RBFOX1: variants seen among roughly 807,000 people sequenced by gnomAD.
The protein encoded by RBFOX1 is RNA binding fox-1 homolog 1, also known as RNA binding protein fox-1 homolog 1.
RBFOX1 carries 8 observed loss-of-function variants against 57.7 expected under a neutral mutation model. That is an observed-to-expected ratio of 0.14 (90% CI 0.08 to 0.25). The LOEUF is 0.25. Among genes scored for constraint, RBFOX1 ranks in the 10% least tolerant of loss-of-function variants. The probability of loss-of-function intolerance (pLI) is 1.00; values close to 1 mark genes in which losing one functional copy is unlikely to be tolerated. For missense variants in RBFOX1, 611 were observed against 548.5 expected, an observed-to-expected ratio of 1.11 and a Z score of -1.14; for synonymous variants, 326 against 222.4, an observed-to-expected ratio of 1.47 and a Z score of -4.15.
intron 1 of RBFOX1, among the ~76,000 whole-genome samples, chr16:6,155,102 G>A (rs1168814472): frequency 6.6e-6 from 1 of 152,176 alleles, no homozygotes; most frequent in Admixed American, 6.5e-5. Flanking sequence ...CTTTTGTTTA[G>A]TGTTTCTATA....
intron 2 of RBFOX1, among the ~76,000 whole-genome samples, chr16:6,512,474 G>T (rs1470942712): frequency 6.6e-6 from 1 of 152,094 alleles, no homozygotes; most frequent in Non-Finnish European, 1.5e-5. Flanking sequence ...TGAGGGGTAA[G>T]CATGGGACAA....
chr16:7,111,873 G>C (rs1174356685), intron 4 of RBFOX1, among the ~76,000 whole-genome samples: 1 of 151,942 alleles, frequency 6.6e-6, no homozygotes, highest in African/African-American at 2.4e-5. Flanking sequence ...TTGATCAGTT[G>C]AATTGAAAAG....
At chr16:5,676,337 T>C (rs1449532678) in intron 3 of RBFOX1, among the ~76,000 whole-genome samples, 1 of 152,198 alleles carries the variant, frequency 6.6e-6, no homozygotes. Context: ...CTATCACTTA[T>C]TAAGGTAACT....
intron 4 of RBFOX1, among the ~76,000 whole-genome samples, chr16:7,319,646 T>G (rs929428723): frequency 6.6e-6 from 1 of 152,198 alleles, no homozygotes; most frequent in Non-Finnish European, 1.5e-5. Flanking sequence ...AGATTTAGAA[T>G]GTGGGCACCT....
Position 7,167,667 on chromosome 16 carries a change from C to T in RBFOX1, c.27+115569C>T, listed in dbSNP as rs528688180. ...TTACTGCAGCCCTAGGAAACTAATT[C>T]ACTAGAGGGCTGCAAACTAAGGCCT... On this transcript the variant is annotated intron_variant, in intron 4 of 15. Coordinates refer to ENST00000550418, the MANE Select transcript of RBFOX1 (RefSeq NM_018723.4). Among the ~76,000 whole-genome samples, 4 of 152,354 alleles carry T rather than the reference C, an allele frequency of 2.6e-5. No individual in the cohort carries two copies. The East Asian group carries it at 7.7e-4, about 29-fold the overall frequency.
intron 3 of RBFOX1, among the ~76,000 whole-genome samples, chr16:6,894,166 TGTC>T (rs1214692585): frequency 2.6e-5 from 4 of 152,104 alleles, no homozygotes; most frequent in Non-Finnish European, 5.9e-5. Context: ...ACCTATCTCT[TGTC>T]TGTCTGTCTG....
intron 11 of RBFOX1, among the ~76,000 whole-genome samples, chr16:7,634,126 C>T (rs1423313749): frequency 6.6e-6 from 1 of 152,178 alleles, no homozygotes; most frequent in Non-Finnish European, 1.5e-5. Flanking sequence ...GACTTTTTCT[C>T]TAGGAATCCA....
At chr16:6,533,124 G>A (rs17822719) in intron 2 of RBFOX1, among the ~76,000 whole-genome samples, 42,211 of 152,126 alleles carry the variant, frequency 0.28, 6,791 homozygotes, top group Middle Eastern at 0.4. Flanking sequence ...GGCAGGCATT[G>A]AAAACTGTCA....
At chr16:7,421,294 C>G (rs918336890) in intron 4 of RBFOX1, among the ~76,000 whole-genome samples, 1 of 152,142 alleles carries the variant, frequency 6.6e-6, no homozygotes, top group East Asian at 1.9e-4. Flanking sequence ...TCCTTGGACA[C>G]TTTCTTGTTT....
intron 3 of RBFOX1, among the ~76,000 whole-genome samples, chr16:5,608,087 C>G (rs1194694210): frequency 1.3e-5 from 2 of 152,154 alleles, no homozygotes; most frequent in East Asian, 1.9e-4. Flanking sequence ...AGCTACTGTC[C>G]AAAAGTTGCC....
intron 2 of RBFOX1, among the ~76,000 whole-genome samples, chr16:6,330,523 T>C (rs79546071): frequency 2.7e-4 from 41 of 152,294 alleles, no homozygotes; most frequent in Non-Finnish European, 5.1e-4. Context: ...CTTCCTCATC[T>C]CTTCCTTACT....
intron 1 of RBFOX1, among the ~76,000 whole-genome samples, chr16:5,364,284 A>G (rs2065642297): frequency 1.3e-5 from 2 of 152,206 alleles, no homozygotes; most frequent in Admixed American, 1.3e-4. Flanking sequence ...ACAGTCCCCC[A>G]GGGGTGCACA....
At chr16:7,557,234 A>C (rs190737128) in intron 5 of RBFOX1, among the ~76,000 whole-genome samples, 3 of 152,260 alleles carry the variant, frequency 2.0e-5, no homozygotes, top group Admixed American at 2.0e-4. Context: ...TGAGGGCTTC[A>C]TCAGTACTTA....
chr16:6,763,592 C>A (rs934390832), intron 3 of RBFOX1, among the ~76,000 whole-genome samples: 1 of 152,172 alleles, frequency 6.6e-6, no homozygotes, highest in South Asian at 2.1e-4. Flanking sequence ...GACCATTAAT[C>A]ATCAACAACC....
chr16:5,880,612 T>A (rs1176698816), intron 4 of RBFOX1, among the ~76,000 whole-genome samples: 1 of 152,182 alleles, frequency 6.6e-6, no homozygotes, highest in African/African-American at 2.4e-5. Context: ...GTCACCTTGG[T>A]AGTCACTGAT....
intron 2 of RBFOX1, among the ~76,000 whole-genome samples, chr16:6,437,959 C>T (rs570707503): frequency 1.3e-5 from 2 of 152,226 alleles, no homozygotes; most frequent in East Asian, 3.9e-4. Flanking sequence ...GCCAATGAGG[C>T]TCTTCTGATG....
At chr16:7,187,513 C>G (rs996801631) in intron 4 of RBFOX1, among the ~76,000 whole-genome samples, 1 of 151,066 alleles carries the variant, frequency 6.6e-6, no homozygotes. Flanking sequence ...CACAGTGAAA[C>G]CCCATCTCTA....
chr16:6,143,434 C>T (rs1215655273), intron 1 of RBFOX1, among the ~76,000 whole-genome samples: 1 of 152,152 alleles, frequency 6.6e-6, no homozygotes, highest in African/African-American at 2.4e-5. Context: ...ACTGTGGTTT[C>T]CTTTCAGGAG....
intron 3 of RBFOX1, among the ~76,000 whole-genome samples, chr16:6,675,234 T>C (rs1486881124): frequency 6.6e-6 from 1 of 152,178 alleles, no homozygotes; most frequent in Non-Finnish European, 1.5e-5. Context: ...ACCCAGGTTG[T>C]GGTGATTTGT....
Sources: allele counts gnomAD v4.1 joint callset (sites outside exome capture counted in the v4.1 genomes callset), GRCh38; gene constraint gnomAD v4.1.1; transcripts MANE v1.5; gene names NCBI Gene and HGNC (gene_info 2026-07-23, HGNC 2026-07-21).